The following THOC2 variants were observed in gnomAD, a reference collection of about 807,000 sequenced individuals.
THOC2 encodes THO complex subunit 2.
A neutral mutation model predicts 128.4 loss-of-function variants in THOC2; 10 were observed. That is an observed-to-expected ratio of 0.08 (90% confidence interval 0.05 to 0.13). THOC2 has a LOEUF of 0.13. THOC2 is among the 10% of genes least tolerant of loss of function. The pLI, the probability that THOC2 is intolerant of heterozygous loss-of-function variation, is 1.00. For synonymous variants in THOC2, 393 were observed against 396.9 expected (o/e 0.99, Z 0.12); for missense variants, 535 against 1,155.7 (o/e 0.46, Z 7.79).
chrX:123,699,571 T>C (rs973742732), intron 4 of THOC2, among the ~76,000 whole-genome samples: 15 of 111,089 alleles, frequency 1.4e-4, no homozygotes, highest in African/African-American at 4.6e-4. Context: ...TTTTAAGGGA[T>C]TGGGGCTAAA....
At position 123,617,006 on chromosome X, in the gene THOC2, T is replaced by A. The variant is rs760277513; in HGVS notation, c.4311+2395A>T. ...AGTGACAAGATAATATGAAAATAGA[T>A]GCGTATCTTCCAAACCCTCTAGAAA... is the stretch of plus-strand genomic sequence containing the variant. On this transcript the variant is annotated intron_variant, in intron 33 of 38. Coordinates refer to ENST00000245838, the MANE Select transcript of THOC2 (RefSeq NM_001081550.2). Among the ~76,000 whole-genome samples, 3 of 110,981 alleles carry A rather than the reference T, an allele frequency of 2.7e-5. No individual in the cohort carries two copies. The East Asian group carries it at 8.4e-4, about 31-fold the overall frequency.
intron 22 of THOC2, among the ~76,000 whole-genome samples, 191 bp from the exon 23 acceptor site, chrX:123,628,159 C>T (rs1371008403): frequency 1.8e-5 from 2 of 111,572 alleles, no homozygotes; most frequent in African/African-American, 6.5e-5. Flanking sequence ...GGAAGCTATT[C>T]CAGTCTTTAG....
intron 18 of THOC2, among the ~76,000 whole-genome samples, chrX:123,637,050 G>A (rs941952541): frequency 1.8e-5 from 2 of 111,407 alleles, no homozygotes; most frequent in Non-Finnish European, 3.8e-5. Context: ...ACATGGAGTG[G>A]GCCATGAAGG....
intron 38 of THOC2, chrX:123,602,355 A>T (rs2046311449): frequency 8.9e-6 from 1 of 112,628 alleles, no homozygotes; most frequent in Non-Finnish European, 1.9e-5. Flanking sequence ...TGGATAAATA[A>T]AATGTGGTAC....
intron 9 of THOC2, among the ~76,000 whole-genome samples, chrX:123,669,934 C>T (rs1031325795): frequency 1.8e-5 from 2 of 111,901 alleles, no homozygotes; most frequent in African/African-American, 6.5e-5. Flanking sequence ...ATTTTTAATT[C>T]CACTTGACAA....
chrX:123,665,650 T>C lies in THOC2; in HGVS notation c.1378A>G (p.Met460Val). Residue 460 changes from methionine (M) to valine (V), a missense_variant, in exon 12 of 39, where the codon ATG becomes GTG. Met to Val is a conservative substitution (Grantham distance 21). This residue lies in a region of THOC2 where 197 missense variants were observed against 313.4 expected (regional missense o/e 0.63). Transcript: ENST00000245838. ...AKVVRIGKSF[M>V]KEFQSDGSKQ... The stretch of plus-strand genomic sequence containing the variant: ...AGAAAAATCTTACTTACCTCCTTCA[T>C]AAATGACTTGCCTATGCGCACCACT... 8.8e-7 allele frequency: 1 copy of C among 1,135,191 alleles called. No individual in the cohort carries two copies. Among genetic ancestry groups the C allele is most frequent in the South Asian group, 2.4e-5 (1 of 41,815 alleles). 93.6% of individuals were successfully genotyped at this position (1,135,191 alleles called of 1,213,427 possible).
At chrX:123,705,466 T>C (rs764958830) in intron 3 of THOC2, among the ~76,000 whole-genome samples, 1 of 111,355 alleles carries the variant, frequency 9.0e-6, no homozygotes, top group African/African-American at 3.3e-5. Context: ...AGATCAAAAA[T>C]AGAGTAAGAC....
intron 8 of THOC2, among the ~76,000 whole-genome samples, chrX:123,676,247 GC>G (rs1338812217): frequency 1.8e-5 from 2 of 112,235 alleles, no homozygotes; most frequent in Non-Finnish European, 3.8e-5. Context: ...AGCCATACCA[GC>G]CCTGAGAATA....
chrX:123,686,189 T>A (rs1317412852), intron 8 of THOC2, among the ~76,000 whole-genome samples: 1 of 111,439 alleles, frequency 9.0e-6, no homozygotes, highest in Admixed American at 9.6e-5. Context: ...TCTCTATATA[T>A]TCACACTGCC....
Position 123,638,165 on chromosome X carries a change from T to C in THOC2, c.1841-42A>G, listed in dbSNP as rs1344793105. ...AAAAACTAAGTCATTACATCTCTAATAAAGACCCTTAAAACATGAATATGC... is the reference window on the plus strand; with the variant it reads ...AAAAACTAAGTCATTACATCTCTAACAAAGACCCTTAAAACATGAATATGC... On this transcript the variant is annotated intron_variant, in intron 17 of 38. Transcript: ENST00000245838. The C allele has an allele frequency of 5.6e-6, 5 of 890,161 alleles. No individual in the cohort carries two copies. In the African/African-American group the frequency reaches 9.9e-5, roughly 18 times the overall value. The allele number at this position is 890,161 out of a possible 1,213,427, so 73.4% of individuals were successfully genotyped here. A position where few individuals can be genotyped will look rare whatever the true frequency, so the allele number is the denominator to read the frequency against.
chrX:123,602,642 G>GA (rs994115850), intron 38 of THOC2: 3 of 111,596 alleles, frequency 2.7e-5, no homozygotes, highest in Admixed American at 9.5e-5. Flanking sequence ...AAATGCTCTG[G>GA]AATTAGACAG....
At chrX:123,607,307 G>T (rs1041583104) in intron 38 of THOC2, among the ~76,000 whole-genome samples, 22 of 110,644 alleles carry the variant, frequency 2.0e-4, no homozygotes, top group Non-Finnish European at 1.5e-4. Flanking sequence ...ACAGAGTCTT[G>T]CTCTGTCACC....
At chrX:123,669,572 T>A (rs1330341833) in intron 9 of THOC2, among the ~76,000 whole-genome samples, 1 of 111,551 alleles carries the variant, frequency 9.0e-6, no homozygotes, top group East Asian at 2.8e-4. Context: ...CGCCTTGGCC[T>A]CCCAAAGTGT....
chrX:123,610,428 T>C (rs1282157894), intron 38 of THOC2: 5 of 111,442 alleles, frequency 4.5e-5, no homozygotes, highest in African/African-American at 1.6e-4. Context: ...TTAAAAATCT[T>C]TGGATAAGAC....
At chrX:123,714,791 T>G (rs1018889837) in intron 1 of THOC2, among the ~76,000 whole-genome samples, 10 of 111,641 alleles carry the variant, frequency 9.0e-5, no homozygotes, top group African/African-American at 3.2e-4. Flanking sequence ...CCAAGTATCT[T>G]TTCCAAACAC....
At chrX:123,611,566 G>T in intron 36 of THOC2, 50 bp from the exon 37 acceptor site, 1 of 876,810 alleles carries the variant, frequency 1.1e-6, no homozygotes, top group Non-Finnish European at 1.7e-6. Flanking sequence ...AAATATAAAA[G>T]CCAGCTCAAA....
Position 123,668,227 on chromosome X carries a change from C to T in THOC2, c.949G>A (p.Val317Met). 8.3e-7 allele frequency: 1 copy of T among 1,202,076 alleles called. No individual in the cohort carries two copies. Among genetic ancestry groups the T allele is most frequent in the East Asian group, 3.0e-5 (1 of 33,466 alleles). The change falls in exon 10 of 39, where the codon GTG becomes ATG. Residue 317 changes from valine (V) to methionine (M), a missense_variant. This residue lies in a region of THOC2 where 197 missense variants were observed against 313.4 expected (regional missense o/e 0.63). Coordinates refer to ENST00000245838, the MANE Select transcript of THOC2 (RefSeq NM_001081550.2). ...TCATCCATTTTTTCAGAAGACAACACAACCATCGTAAGCTTTCTAACAATT... is the reference window on the plus strand; with the variant it reads ...TCATCCATTTTTTCAGAAGACAACATAACCATCGTAAGCTTTCTAACAATT... ...KQIVRKLTMV[V>M]LSSEKMDERE...
chrX:123,659,416 C>G (rs1386387188), intron 12 of THOC2, among the ~76,000 whole-genome samples: 10 of 112,317 alleles, frequency 8.9e-5, no homozygotes, highest in African/African-American at 3.2e-4. Flanking sequence ...GCTAAAAGTA[C>G]AAAAAGTAGC....
chrX:123,613,996 C>A, intron 34 of THOC2, 56 bp downstream of exon 34: 16 of 1,087,083 alleles, frequency 1.5e-5, no homozygotes, highest in Non-Finnish European at 2.0e-5. Context: ...GCAACATACA[C>A]ACTGGTGTAC....
Sources: gnomAD v4.1 joint callset for allele counts (sites outside exome capture counted in the v4.1 genomes callset) on GRCh38, gnomAD v4.1.1 for gene constraint, gnomAD v4.1.1 regional missense constraint, MANE v1.5 for transcripts, NCBI Gene and HGNC (gene_info 2026-07-23, HGNC 2026-07-21) for gene names.